The following PPARGC1B variants were observed in gnomAD, a reference collection of about 807,000 sequenced individuals.
PPARGC1B encodes the protein peroxisome proliferator-activated receptor gamma coactivator 1-beta.
In PPARGC1B, 34 loss-of-function variants were observed where a neutral mutation model predicts 101.6. That is an observed-to-expected ratio of 0.33 (90% CI 0.25 to 0.45). The LOEUF (loss-of-function observed/expected upper bound fraction) is 0.45. Among genes scored for constraint, PPARGC1B ranks in the 20% least tolerant of loss-of-function variants. The pLI, the probability that PPARGC1B is intolerant of heterozygous loss-of-function variation, is 1.00. For synonymous variants in PPARGC1B, 548 were observed against 539.3 expected (o/e 1.02, Z -0.22); for missense variants, 1,234 against 1,317.6 (o/e 0.94, Z 0.98).
downstream of PPARGC1B, among the ~76,000 whole-genome samples, chr5:149,855,345 T>A (rs1309218698): frequency 6.6e-6 from 1 of 152,178 alleles, no homozygotes; most frequent in Non-Finnish European, 1.5e-5. Flanking sequence ...AAAATAACCA[T>A]TCAGACTCAT....
intron 1 of PPARGC1B, among the ~76,000 whole-genome samples, chr5:149,734,238 C>G (rs1326534287): frequency 1.4e-5 from 2 of 146,692 alleles, no homozygotes; most frequent in African/African-American, 2.5e-5. Flanking sequence ...AGGAGAATCG[C>G]TTGAACCCGG....
intron 1 of PPARGC1B, among the ~76,000 whole-genome samples, chr5:149,752,333 C>G (rs536996782): frequency 3.0e-4 from 45 of 152,282 alleles, no homozygotes; most frequent in African/African-American, 1.1e-3. Context: ...ACTGATCCAC[C>G]TTGTGATTCA....
intron 1 of PPARGC1B, among the ~76,000 whole-genome samples, chr5:149,804,699 T>C (rs753905337): frequency 3.9e-5 from 6 of 152,126 alleles, no homozygotes; most frequent in Non-Finnish European, 8.8e-5. Context: ...CCCACAGTGA[T>C]GTAATCCCCG....
chr5:149,830,648 C>T, intron 3 of PPARGC1B, 119 bp from the exon 4 acceptor site: 1 of 721,134 alleles, frequency 1.4e-6, no homozygotes, highest in Non-Finnish European at 2.5e-6. Context: ...GAATGCCCAC[C>T]CTGTGTTCTC....
intron 1 of PPARGC1B, among the ~76,000 whole-genome samples, chr5:149,796,954 C>T (rs12522287): frequency 4.6e-5 from 7 of 152,322 alleles, no homozygotes; most frequent in Admixed American, 2.6e-4. Flanking sequence ...TGGAAGGACA[C>T]GGTTTGTTTT....
chr5:149,824,192 C>T (rs1025170701), intron 2 of PPARGC1B, among the ~76,000 whole-genome samples: 3 of 152,174 alleles, frequency 2.0e-5, no homozygotes, highest in Non-Finnish European at 2.9e-5. Flanking sequence ...AGAGCCCTTC[C>T]GGCTCTGATA....
chr5:149,742,008 G>A (rs1754925841), intron 1 of PPARGC1B, among the ~76,000 whole-genome samples: 1 of 152,252 alleles, frequency 6.6e-6, no homozygotes, highest in African/African-American at 2.4e-5. Flanking sequence ...TGTCCTTCAA[G>A]GATGGTGATG....
intron 1 of PPARGC1B, among the ~76,000 whole-genome samples, chr5:149,765,605 G>A (rs1282706755): frequency 6.6e-6 from 1 of 151,848 alleles, no homozygotes; most frequent in Non-Finnish European, 1.5e-5. Context: ...TCTAAACATC[G>A]ACCAGCACTT....
At chr5:149,778,142 A>G (rs990115197) in intron 1 of PPARGC1B, among the ~76,000 whole-genome samples, 2 of 133,402 alleles carry the variant, frequency 1.5e-5, no homozygotes, top group African/African-American at 5.5e-5. Flanking sequence ...TCCATGGAGC[A>G]GCAACACACA....
intron 5 of PPARGC1B, 81 bp from the exon 6 acceptor site, chr5:149,834,593 G>A: frequency 7.6e-7 from 1 of 1,322,042 alleles, no homozygotes. Context: ...ACCAGTGGAG[G>A]CCTAGGGTCT....
intron 1 of PPARGC1B, among the ~76,000 whole-genome samples, chr5:149,788,932 G>A (rs1756906350): frequency 1.3e-5 from 2 of 152,124 alleles, no homozygotes. Flanking sequence ...GTTGTGGGGT[G>A]GGAGGAGTGG....
intron 1 of PPARGC1B, chr5:149,771,966 C>T (rs998150801): frequency 1.6e-5 from 22 of 1,364,198 alleles, no homozygotes; most frequent in Non-Finnish European, 2.0e-5. Flanking sequence ...CCTCAAGCAA[C>T]TCTGAATTAG....
In PPARGC1B at chr5:149,832,772, G is replaced by T; in HGVS notation, c.699G>T (p.Gln233His). 6.2e-7 allele frequency: 1 copy of T among 1,613,092 alleles called. No individual in the cohort carries two copies. The highest frequency in any genetic ancestry group is 2.2e-5 in the East Asian group (1 of 44,838). Residue 233 changes from glutamine to histidine, a missense_variant, in exon 5 of 12, where the codon CAG becomes CAT. Around this residue, in one of 3 missense-constraint regions of PPARGC1B, gnomAD observed 734 missense variants for 768.4 expected, o/e 0.96. Coordinates refer to ENST00000309241, the MANE Select transcript of PPARGC1B (RefSeq NM_133263.4). The surrounding 1 kb of genome is among the most constrained non-coding windows in gnomAD (Gnocchi z 4.9). ...GCTGCCTGCAGGATCGGGGTCTGCA[G>T]CCACCATGCCTCCAGAGTCCCCGGC... is the stretch of plus-strand genomic sequence containing the variant. ...AQCCLQDRGL[Q>H]PPCLQSPRLP...
At chr5:149,802,418 T>C (rs1395982346) in intron 1 of PPARGC1B, among the ~76,000 whole-genome samples, 1 of 152,040 alleles carries the variant, frequency 6.6e-6, no homozygotes, top group Non-Finnish European at 1.5e-5. Context: ...TCTTCTTGAC[T>C]TCCTCTCCTC....
At chr5:149,732,206 A>AAG (rs1754525724) in intron 1 of PPARGC1B, among the ~76,000 whole-genome samples, 1 of 152,202 alleles carries the variant, frequency 6.6e-6, no homozygotes, top group African/African-American at 2.4e-5. Context: ...TCCCAGCCTC[A>AAG]GTACCCCCAG....
intron 1 of PPARGC1B, among the ~76,000 whole-genome samples, chr5:149,795,638 G>T (rs376353541): frequency 3.8e-4 from 58 of 152,250 alleles, no homozygotes; most frequent in African/African-American, 1.3e-3. Flanking sequence ...CAGCTCCTCA[G>T]GGCAGAGGAC....
intron 1 of PPARGC1B, among the ~76,000 whole-genome samples, chr5:149,762,514 CCCACCCA>C (rs1755753682): frequency 6.6e-6 from 1 of 152,146 alleles, no homozygotes; most frequent in Non-Finnish European, 1.5e-5. Context: ...GGCAGCCTGA[CCCACCCA>C]TGGGGCCTCT....
intron 1 of PPARGC1B, among the ~76,000 whole-genome samples, chr5:149,756,025 T>C (rs553787980): frequency 6.6e-6 from 1 of 152,302 alleles, no homozygotes; most frequent in East Asian, 1.9e-4. Flanking sequence ...TGCCCTCGTT[T>C]GCTGGTTGTT....
intron 1 of PPARGC1B, among the ~76,000 whole-genome samples, chr5:149,750,833 A>G (rs1470489894): frequency 1.3e-5 from 2 of 152,246 alleles, no homozygotes; most frequent in Non-Finnish European, 2.9e-5. Flanking sequence ...GGCAGGTCCA[A>G]GTACGCACGA....
Sources: allele counts gnomAD v4.1 joint callset (sites outside exome capture counted in the v4.1 genomes callset), GRCh38; gene constraint gnomAD v4.1.1; regional missense constraint gnomAD v4.1.1; non-coding constraint Gnocchi (gnomAD v3.1); transcripts MANE v1.5; gene names NCBI Gene and HGNC (gene_info 2026-07-23, HGNC 2026-07-21).